Variants in ALDH1A2 observed in about 807,000 individuals in gnomAD.
ALDH1A2 encodes retinal dehydrogenase 2.
Under a neutral mutation model 60.3 loss-of-function variants are expected in ALDH1A2, and 27 were observed. That is an observed-to-expected ratio of 0.45 (90% CI 0.33 to 0.62). The LOEUF is 0.62. Among genes scored for constraint, ALDH1A2 ranks in the 20% least tolerant of loss-of-function variants. ALDH1A2 has a pLI of 0.02. For synonymous variants in ALDH1A2, 289 were observed against 232.4 expected, an observed-to-expected ratio of 1.24 and a Z score of -2.21; for missense variants, 581 against 643.8, an observed-to-expected ratio of 0.90 and a Z score of 1.06.
chr15:58,057,958 TA>T (rs1244158161), intron 1 of ALDH1A2: 2 of 908,976 alleles, frequency 2.2e-6, no homozygotes, highest in African/African-American at 3.5e-5. Context: ...ATAATAAAAT[TA>T]AATAATACAA....
At chr15:57,981,040 T>C (rs1371684153) in intron 7 of ALDH1A2, among the ~76,000 whole-genome samples, 1 of 152,216 alleles carries the variant, frequency 6.6e-6, no homozygotes, top group African/African-American at 2.4e-5. Flanking sequence ...GTAGTTTGTA[T>C]TTCTGTGGGA....
At chr15:58,046,065 T>C (rs1358726150) in intron 1 of ALDH1A2, among the ~76,000 whole-genome samples, 1 of 152,040 alleles carries the variant, frequency 6.6e-6, no homozygotes, top group Admixed American at 6.6e-5. Flanking sequence ...CCTAGTAGAA[T>C]GCTTTTAAGA....
chr15:58,014,970 CAA>C (rs1185141018), intron 1 of ALDH1A2, among the ~76,000 whole-genome samples: 2 of 151,956 alleles, frequency 1.3e-5, no homozygotes, highest in Non-Finnish European at 2.9e-5. Context: ...ATTAAAATGG[CAA>C]AGAGACTGAA....
intron 1 of ALDH1A2, among the ~76,000 whole-genome samples, chr15:58,022,529 CG>C (rs1173047216): frequency 2.0e-5 from 3 of 152,218 alleles, no homozygotes; most frequent in Non-Finnish European, 2.9e-5. Context: ...CCACTACCTC[CG>C]GGGGGAAAGC....
chr15:58,004,220 C>G (rs1167434383), intron 4 of ALDH1A2, among the ~76,000 whole-genome samples: 1 of 151,840 alleles, frequency 6.6e-6, no homozygotes, highest in Non-Finnish European at 1.5e-5. Flanking sequence ...AACTGATTAT[C>G]CATCTGTAGT....
At chr15:57,956,569 G>T (rs1394394963) in intron 12 of ALDH1A2, among the ~76,000 whole-genome samples, 1 of 152,188 alleles carries the variant, frequency 6.6e-6, no homozygotes, top group African/African-American at 2.4e-5. Context: ...CAAGCAGGCT[G>T]TTCTCCTGTC....
intron 1 of ALDH1A2, chr15:58,014,622 G>A (rs1031894887): frequency 2.2e-6 from 1 of 449,876 alleles, no homozygotes; most frequent in Non-Finnish European, 4.4e-6. Flanking sequence ...TAGTATCCAT[G>A]AGGGTTAAAT....
chr15:58,044,242 A>C (rs1489620308), intron 1 of ALDH1A2, among the ~76,000 whole-genome samples: 1 of 151,912 alleles, frequency 6.6e-6, no homozygotes, highest in African/African-American at 2.4e-5. Context: ...TGCACCTATC[A>C]ACCTGTCATC....
intron 1 of ALDH1A2, among the ~76,000 whole-genome samples, chr15:58,060,384 A>G (rs1024227975): frequency 6.6e-6 from 1 of 152,034 alleles, no homozygotes; most frequent in African/African-American, 2.4e-5. Context: ...AACCCCATAA[A>G]GTAGATACTA....
chr15:58,003,825 T>C (rs1278521831), intron 4 of ALDH1A2, among the ~76,000 whole-genome samples: 1 of 151,864 alleles, frequency 6.6e-6, no homozygotes, highest in Admixed American at 6.6e-5. Context: ...AAGTGTTCCA[T>C]AGGTCATAGT....
At position 58,041,581 on chromosome 15, in the gene ALDH1A2, C is replaced by G. The variant is rs148553679; in HGVS notation, c.117+23953G>C. On this transcript the variant is annotated intron_variant, in intron 1 of 12. Coordinates refer to ENST00000249750, the MANE Select transcript of ALDH1A2 (RefSeq NM_003888.4). ...CTTTTTGGTTCATAGATGGTGCATT[C>G]TTGCCATTTCCTCACATGGTAGAAT... Among the ~76,000 whole-genome samples the G allele has an allele frequency of 8.6e-5, 13 of 152,024 alleles. No individual in the cohort carries two copies. In the East Asian group the frequency reaches 2.5e-3, roughly 30 times the overall value.
chr15:57,995,844 T>C lies in ALDH1A2; in HGVS notation c.494-705A>G, dbSNP rs537279912. 3.9e-5 allele frequency among the ~76,000 whole-genome samples: 6 copies of C among 152,246 alleles called. No individual in the cohort carries two copies. The South Asian group carries it at 1.0e-3, about 26-fold the overall frequency. On this transcript the variant is annotated intron_variant, in intron 4 of 12. Transcript: ENST00000249750. ...AACCTTGTTTTCCTTACAGGAGTAA[T>C]AGGCAACTGAAATAATTATACAGGA...
intron 7 of ALDH1A2, among the ~76,000 whole-genome samples, chr15:57,981,160 C>A (rs538326796): frequency 4.6e-5 from 7 of 152,144 alleles, no homozygotes; most frequent in Non-Finnish European, 7.4e-5. Context: ...TTTCAAAAAA[C>A]CAGCTCCTGG....
At chr15:57,986,663 A>G (rs1454303300) in intron 7 of ALDH1A2, among the ~76,000 whole-genome samples, 2 of 149,688 alleles carry the variant, frequency 1.3e-5, no homozygotes, top group East Asian at 4.0e-4. Context: ...ACAGACAAGG[A>G]TTTCATTATT....
At chr15:57,965,588 T>A (rs1893867647) in intron 8 of ALDH1A2, 137 bp downstream of exon 8, 1 of 762,850 alleles carries the variant, frequency 1.3e-6, no homozygotes, top group South Asian at 1.5e-5. Flanking sequence ...ATTAAACCAT[T>A]TTCTCCTTAG....
chr15:58,045,239 A>G (rs1328530747), intron 1 of ALDH1A2, among the ~76,000 whole-genome samples: 6 of 152,056 alleles, frequency 3.9e-5, no homozygotes, highest in Non-Finnish European at 7.4e-5. Flanking sequence ...AAAAGTCAGG[A>G]AACAATAGAT....
At chr15:57,964,221 C>A in intron 8 of ALDH1A2, 152 bp from the exon 9 acceptor site, 5 of 712,426 alleles carry the variant, frequency 7.0e-6, no homozygotes, top group Non-Finnish European at 1.2e-5. Flanking sequence ...GCAACTAGTT[C>A]TAACTACACC....
intron 1 of ALDH1A2, among the ~76,000 whole-genome samples, chr15:58,050,642 C>A (rs543848134): frequency 4.6e-5 from 7 of 152,260 alleles, no homozygotes; most frequent in Admixed American, 3.3e-4. Flanking sequence ...CAAAGTACTT[C>A]ATCAACCGGA....
intron 1 of ALDH1A2, among the ~76,000 whole-genome samples, chr15:58,047,865 C>G (rs1896673306): frequency 6.6e-6 from 1 of 151,816 alleles, no homozygotes; most frequent in Non-Finnish European, 1.5e-5. Context: ...AGAAAAAACA[C>G]CTAGATGATT....
Sources: gnomAD v4.1 joint callset for allele counts (sites outside exome capture counted in the v4.1 genomes callset) on GRCh38, gnomAD v4.1.1 for gene constraint, MANE v1.5 for transcripts, NCBI Gene and HGNC (gene_info 2026-07-23, HGNC 2026-07-21) for gene names.